Variants in SMAD9 observed in about 807,000 individuals in gnomAD.
The protein encoded by SMAD9 is MAD homolog 9.
A neutral mutation model predicts 46.1 loss-of-function variants in SMAD9; 36 were observed. The observed-to-expected ratio is 0.78, with a 90% confidence interval of 0.60 to 1.03. The LOEUF is 1.03. Among genes scored for constraint, SMAD9 ranks in the 50% least tolerant of loss-of-function variants. The pLI, the probability that SMAD9 is intolerant of heterozygous loss-of-function variation, is 0.00. For missense variants in SMAD9, 572 were observed against 599.8 expected (o/e 0.95, Z 0.48); for synonymous variants, 245 against 237.1 (o/e 1.03, Z -0.31).
intron 6 of SMAD9, 31 bp downstream of exon 6, chr13:36,853,388 A>T: frequency 1.2e-6 from 2 of 1,612,074 alleles, no homozygotes; most frequent in Non-Finnish European, 1.7e-6. Flanking sequence ...TTCACTGAAC[A>T]TTTTATAACG....
intron 6 of SMAD9, chr13:36,851,816 T>G: frequency 2.0e-6 from 2 of 981,818 alleles, no homozygotes; most frequent in Non-Finnish European, 2.4e-6. Context: ...CTGTGTCAAT[T>G]GTGTAGCTTT....
rs1034301957 is a variant in SMAD9, at chr13:36,877,613, T to A, written c.412+1665A>T. On this transcript the variant is annotated intron_variant, in intron 2 of 6. Transcript: ENST00000379826. Reference sequence around the variant, plus strand: ...TCATTTTTGTTATAAGCTTAGACATTATTGACTTTTTTTTTTAAGTAAGCG... The same window carrying A: ...TCATTTTTGTTATAAGCTTAGACATAATTGACTTTTTTTTTTAAGTAAGCG... 9.2e-5 allele frequency among the ~76,000 whole-genome samples: 14 copies of A among 152,150 alleles called. 1 individual carries two copies. The highest frequency in any genetic ancestry group is 3.4e-4 in the African/African-American group (14 of 41,434).
At chr13:36,883,219 C>T (rs1203317262) in intron 1 of SMAD9, among the ~76,000 whole-genome samples, 6 of 152,010 alleles carry the variant, frequency 3.9e-5, no homozygotes, top group East Asian at 1.9e-4. Flanking sequence ...GATAACTCCA[C>T]GGCCCAGGTT....
chr13:36,848,915 C>T (rs2138253865), intron 6 of SMAD9, 96 bp from the exon 7 acceptor site: 4 of 1,221,334 alleles, frequency 3.3e-6, no homozygotes, highest in Non-Finnish European at 4.7e-6. Flanking sequence ...GCCCACACCC[C>T]AGCGTAGCTC....
intron 1 of SMAD9, among the ~76,000 whole-genome samples, chr13:36,890,133 AT>A (rs958106671): frequency 6.6e-6 from 1 of 151,914 alleles, no homozygotes; most frequent in East Asian, 1.9e-4. Flanking sequence ...GGCATATCTA[AT>A]TTTTTTTCTT....
intron 1 of SMAD9, among the ~76,000 whole-genome samples, chr13:36,900,702 C>T (rs1037825186): frequency 3.3e-5 from 5 of 151,036 alleles, no homozygotes; most frequent in African/African-American, 1.2e-4. Context: ...CACACACACA[C>T]ACACACACAC....
intron 1 of SMAD9, among the ~76,000 whole-genome samples, chr13:36,884,935 CTTGT>C (rs1480727971): frequency 6.6e-6 from 1 of 152,240 alleles, no homozygotes; most frequent in Non-Finnish European, 1.5e-5. Flanking sequence ...TCAGGGAGCA[CTTGT>C]TTGTTCTGCG....
chr13:36,853,349 A>C, intron 6 of SMAD9, 70 bp downstream of exon 6: 1 of 1,486,440 alleles, frequency 6.7e-7, no homozygotes, highest in South Asian at 1.1e-5. Flanking sequence ...TGCCTGCCAC[A>C]TCAGTCAGGG....
At chr13:36,870,590 T>C (rs1364388464) in intron 3 of SMAD9, among the ~76,000 whole-genome samples, 2 of 125,130 alleles carry the variant, frequency 1.6e-5, no homozygotes, top group African/African-American at 3.5e-5. Flanking sequence ...CAATAGCTAC[T>C]GACTCCTGAA....
chr13:36,855,733 T>C (rs1053530910), intron 5 of SMAD9, among the ~76,000 whole-genome samples: 1 of 152,172 alleles, frequency 6.6e-6, no homozygotes, highest in Non-Finnish European at 1.5e-5. Flanking sequence ...AGTTCTGCAT[T>C]ATATGTGATT....
rs148072390 is a variant in SMAD9 at position 36,854,184 on chromosome 13, A to T, written c.1004-509T>A. On this transcript the variant is annotated intron_variant, in intron 5 of 6. Transcript: ENST00000379826. ...AAAAAAATAAATAAATAAAAATAAA[A>T]AAATAAAAGTGGATTGCAACCCATG... is the stretch of plus-strand genomic sequence containing the variant. Among the ~76,000 whole-genome samples the T allele has an allele frequency of 5.8e-4, 89 of 152,206 alleles. 1 individual carries two copies. The highest frequency in any genetic ancestry group is 1.9e-3 in the African/African-American group (78 of 41,538).
In SMAD9 at chr13:36,907,488, C is replaced by T. The variant is rs539955502; in HGVS notation, c.-187+12628G>A. On this transcript the variant is annotated intron_variant, in intron 1 of 6. Coordinates refer to ENST00000379826, the MANE Select transcript of SMAD9 (RefSeq NM_001127217.3). Reference sequence around the variant, plus strand: ...TACAAGACTAGCTTGGGCAACAGAGCGAGACCCCATCTCTACAAAAGTGGT... The same window carrying T: ...TACAAGACTAGCTTGGGCAACAGAGTGAGACCCCATCTCTACAAAAGTGGT... Among the ~76,000 whole-genome samples the T allele has an allele frequency of 7.2e-5, 11 of 152,176 alleles. No individual in the cohort carries two copies. The East Asian group carries it at 1.9e-3, about 27-fold the overall frequency.
At chr13:36,910,652 G>A (rs2058654097) in intron 1 of SMAD9, among the ~76,000 whole-genome samples, 1 of 152,062 alleles carries the variant, frequency 6.6e-6, no homozygotes, top group Admixed American at 6.5e-5. Context: ...TGCCCAGAAG[G>A]CCCCTGTGCA....
chr13:36,906,601 A>T (rs896057520), intron 1 of SMAD9, among the ~76,000 whole-genome samples: 1 of 152,208 alleles, frequency 6.6e-6, no homozygotes, highest in Admixed American at 6.5e-5. Context: ...TAGAATAGAC[A>T]CTTCTCCAAA....
intron 1 of SMAD9, among the ~76,000 whole-genome samples, chr13:36,886,747 T>C (rs1359859375): frequency 6.6e-6 from 1 of 152,356 alleles, no homozygotes; most frequent in Admixed American, 6.5e-5. Flanking sequence ...CTTGGACTTC[T>C]GGTGAAGACC....
rs1012660766 is a variant in SMAD9 at position 36,845,402 on chromosome 13, T to C, written c.*3274A>G. On this transcript the variant is annotated 3_prime_UTR_variant, in exon 7 of 7. Coordinates refer to ENST00000379826, the MANE Select transcript of SMAD9 (RefSeq NM_001127217.3). ...CAAAGCACTCGCAGCTATTAAAATA[T>C]CATCTAGCTAAAACAAACTTTTCAC... The C allele has an allele frequency of 3.9e-5, 6 of 152,208 alleles. No individual in the cohort carries two copies. Among genetic ancestry groups the C allele is most frequent in the African/African-American group, 1.4e-4 (6 of 41,456 alleles). The allele number at this position is 152,208 out of a possible 1,614,324, so 9.4% of individuals were successfully genotyped here.
intron 1 of SMAD9, among the ~76,000 whole-genome samples, chr13:36,907,588 T>C (rs761947081): frequency 6.6e-6 from 1 of 152,178 alleles, no homozygotes; most frequent in Non-Finnish European, 1.5e-5. Flanking sequence ...GGCAAGAGGA[T>C]GGCTTGAGCA....
chr13:36,853,307 T>C (rs544844631), intron 6 of SMAD9, 112 bp downstream of exon 6: 9 of 950,332 alleles, frequency 9.5e-6, no homozygotes, highest in Non-Finnish European at 1.5e-5. Context: ...TAATAATAAA[T>C]TGGTTTTGTC....
intron 1 of SMAD9, among the ~76,000 whole-genome samples, chr13:36,913,693 G>C (rs2058677946): frequency 6.6e-6 from 1 of 151,996 alleles, no homozygotes; most frequent in South Asian, 2.1e-4. Flanking sequence ...AAGCTGAAAG[G>C]GAAGCATTCA....
Sources: allele counts gnomAD v4.1 joint callset (sites outside exome capture counted in the v4.1 genomes callset), GRCh38; gene constraint gnomAD v4.1.1; transcripts MANE v1.5; gene names NCBI Gene and HGNC (gene_info 2026-07-23, HGNC 2026-07-21).